The following PSMD1 variants were observed in gnomAD, a reference collection of about 807,000 sequenced individuals.
The protein encoded by PSMD1 is 26S proteasome non-ATPase regulatory subunit 1.
A neutral mutation model predicts 119.0 loss-of-function variants in PSMD1; 18 were observed. The observed-to-expected ratio is 0.15, with a 90% CI of 0.10 to 0.22. The LOEUF (loss-of-function observed/expected upper bound fraction) is 0.22, where lower values mean the gene tolerates loss of function less well. PSMD1 is among the 10% of genes least tolerant of loss of function. PSMD1 has a pLI of 1.00. For missense variants in PSMD1, 702 were observed against 1,158.5 expected (o/e 0.61, Z 5.72); for synonymous variants, 374 against 396.6 (o/e 0.94, Z 0.68).
chr2:231,078,739 G>A lies in PSMD1; in HGVS notation c.1152G>A (p.Gln384=), dbSNP rs1237746732. The A allele has an allele frequency of 2.7e-6, 4 of 1,497,988 alleles. No homozygotes were observed. Among genetic ancestry groups the A allele is most frequent in the Admixed American group, 3.8e-5 (2 of 52,708 alleles). The allele number at this position is 1,497,988 out of a possible 1,614,324, so 92.8% of individuals were successfully genotyped here. The part of the protein sequence containing the change: ...SFMHCGTTSD[Q]FLRDNLEWLA... ...TGCACTGTGGGACAACCAGTGACCA[G>A]TTTCTTAGGTAAATATGCTTGTTGA... is the stretch of plus-strand genomic sequence containing the variant. The change falls in exon 10 of 25, where the codon CAG becomes CAA. Residue 384 remains glutamine, a synonymous_variant. Coordinates refer to ENST00000308696, the MANE Select transcript of PSMD1 (RefSeq NM_002807.4).
chr2:231,143,767 T>G (rs966137660), intron 17 of PSMD1, among the ~76,000 whole-genome samples: 3 of 152,262 alleles, frequency 2.0e-5, no homozygotes, highest in Admixed American at 6.5e-5. Context: ...ATATACAGTA[T>G]GCCTGAACTC....
At chr2:231,149,782 T>C (rs1035113129) in intron 18 of PSMD1, among the ~76,000 whole-genome samples, 1 of 152,138 alleles carries the variant, frequency 6.6e-6, no homozygotes, top group Non-Finnish European at 1.5e-5. Context: ...ACTCTTACAG[T>C]GTTAGTGGTA....
intron 16 of PSMD1, among the ~76,000 whole-genome samples, chr2:231,129,543 C>T (rs951780397): frequency 1.3e-5 from 2 of 152,156 alleles, no homozygotes; most frequent in African/African-American, 4.8e-5. Flanking sequence ...TTTTAGTTTT[C>T]TGAAGTCCAG....
At chr2:231,066,575 C>T (rs905572921) in intron 4 of PSMD1, among the ~76,000 whole-genome samples, 11 of 152,230 alleles carry the variant, frequency 7.2e-5, no homozygotes, top group African/African-American at 2.6e-4. Flanking sequence ...GACAGGGTCC[C>T]ATTGTGGTGC....
At chr2:231,154,090 G>A (rs1171442293) in intron 19 of PSMD1, among the ~76,000 whole-genome samples, 1 of 151,648 alleles carries the variant, frequency 6.6e-6, no homozygotes, top group Non-Finnish European at 1.5e-5. Flanking sequence ...TCCAGCCGGG[G>A]CAACAAGAGC....
At chr2:231,083,053 C>A in intron 13 of PSMD1, 59 bp downstream of exon 13, 1 of 1,260,958 alleles carries the variant, frequency 7.9e-7, no homozygotes, top group East Asian at 2.4e-5. Context: ...AATGTAATTA[C>A]ATTAGTTTCT....
At chr2:231,094,074 T>C (rs1310928481) in intron 16 of PSMD1, among the ~76,000 whole-genome samples, 1 of 152,174 alleles carries the variant, frequency 6.6e-6, no homozygotes, top group Non-Finnish European at 1.5e-5. Context: ...ATTTAGGATG[T>C]GAGTAACATC....
At chr2:231,057,509 G>T (rs1226269549) in intron 1 of PSMD1, among the ~76,000 whole-genome samples, 1 of 152,186 alleles carries the variant, frequency 6.6e-6, no homozygotes, top group Non-Finnish European at 1.5e-5. Context: ...AGCTCCATTC[G>T]CCTTAGAATG....
intron 16 of PSMD1, among the ~76,000 whole-genome samples, chr2:231,088,208 A>C (rs1218286527): frequency 1.3e-5 from 2 of 152,162 alleles, no homozygotes; most frequent in African/African-American, 4.8e-5. Context: ...TGTATTAATA[A>C]TGGTAATTGT....
intron 24 of PSMD1, among the ~76,000 whole-genome samples, chr2:231,171,932 G>A (rs984057855): frequency 1.8e-4 from 28 of 152,148 alleles, no homozygotes; most frequent in Non-Finnish European, 2.9e-4. Context: ...AATCTAGCAT[G>A]CTGTGTGTTA....
intron 16 of PSMD1, among the ~76,000 whole-genome samples, chr2:231,137,032 A>G (rs1237595466): frequency 1.4e-5 from 2 of 144,778 alleles, no homozygotes; most frequent in Admixed American, 7.1e-5. Context: ...TTTATGTACC[A>G]TATATAATTA....
At chr2:231,079,868 A>C (rs951664850) in intron 11 of PSMD1, among the ~76,000 whole-genome samples, 5 of 152,324 alleles carry the variant, frequency 3.3e-5, no homozygotes, top group African/African-American at 1.2e-4. Flanking sequence ...TGTTATTTGC[A>C]TAGTCTGAGA....
chr2:231,105,943 T>C (rs972672343), intron 16 of PSMD1, among the ~76,000 whole-genome samples: 10 of 146,586 alleles, frequency 6.8e-5, no homozygotes, highest in Non-Finnish European at 1.5e-4. Context: ...TCCTTACTTT[T>C]TGTCATTTTC....
At chr2:231,150,014 T>C (rs1696337098) in intron 18 of PSMD1, among the ~76,000 whole-genome samples, 1 of 152,080 alleles carries the variant, frequency 6.6e-6, no homozygotes, top group Non-Finnish European at 1.5e-5. Context: ...GGAAAAAAAT[T>C]AGACGCTAAA....
rs1296857654 is a variant in PSMD1, at chr2:231,165,891, G to C, written c.2589G>C (p.Glu863Asp). The C allele has an allele frequency of 8.1e-6, 13 of 1,611,920 alleles. No homozygotes were observed. Among genetic ancestry groups the C allele is most frequent in the Non-Finnish European group, 1.1e-5 (13 of 1,178,772 alleles). ...KMEVDEAEKKEEKEKKKEPEP... is the reference protein window; with the variant it reads ...KMEVDEAEKKDEKEKKKEPEP... ...TATAGGATGAGGCAGAGAAAAAGGA[G>C]GAAAAAGAGAAGAAAAAAGAACCTG... The change falls in exon 23 of 25, where the codon GAG (glutamate) becomes GAC (aspartate). Residue 863 changes from glutamate (E) to aspartate (D), a missense_variant. Around this residue, in one of 9 missense-constraint regions of PSMD1, gnomAD observed 152 missense variants for 239.3 expected, o/e 0.64. Coordinates refer to ENST00000308696, the MANE Select transcript of PSMD1 (RefSeq NM_002807.4).
chr2:231,114,266 TA>T, intron 16 of PSMD1, among the ~76,000 whole-genome samples: 1 of 152,342 alleles, frequency 6.6e-6, no homozygotes, highest in East Asian at 1.9e-4. Context: ...GACTGGAACT[TA>T]ACCTTGGTAT....
chr2:231,066,793 C>A, intron 4 of PSMD1, 113 bp from the exon 5 acceptor site: 1 of 818,750 alleles, frequency 1.2e-6, no homozygotes, highest in Non-Finnish European at 1.8e-6. Flanking sequence ...TCAAAATTTG[C>A]TTATTGCTTT....
chr2:231,109,297 T>C (rs1200324544), intron 16 of PSMD1: 2 of 1,614,024 alleles, frequency 1.2e-6, no homozygotes, highest in African/African-American at 2.7e-5. Context: ...AGGCAGCCAG[T>C]GAGCCAAAGA....
rs190534331 is a variant in PSMD1 at position 231,101,411 on chromosome 2, C to T, written c.1883+14230C>T. 1.8e-3 allele frequency among the ~76,000 whole-genome samples: 281 copies of T among 152,212 alleles called. 2 individuals carry two copies. Among genetic ancestry groups the T allele is most frequent in the Admixed American group, 3.3e-3 (51 of 15,284 alleles). On this transcript the variant is annotated intron_variant, in intron 16 of 24. Transcript: ENST00000308696. Reference sequence around the variant, plus strand: ...TTATAACTTTTCCCACCACCCTGACCGGTCTCCTACAATCACTTCCAAGAT... The same window carrying T: ...TTATAACTTTTCCCACCACCCTGACTGGTCTCCTACAATCACTTCCAAGAT...
Sources: gnomAD v4.1 joint callset for allele counts (sites outside exome capture counted in the v4.1 genomes callset) on GRCh38, gnomAD v4.1.1 for gene constraint, gnomAD v4.1.1 regional missense constraint, MANE v1.5 for transcripts, NCBI Gene and HGNC (gene_info 2026-07-23, HGNC 2026-07-21) for gene names.